Variants in SRGAP2 observed in about 807,000 individuals in gnomAD.
The protein encoded by SRGAP2 is SLIT-ROBO Rho GTPase activating protein 2.
A neutral mutation model predicts 57.2 loss-of-function variants in SRGAP2; 15 were observed. That is an observed-to-expected ratio of 0.26 (90% CI 0.18 to 0.40). The LOEUF (loss-of-function observed/expected upper bound fraction) is 0.40, where lower values mean the gene tolerates loss of function less well. Ranked by LOEUF, SRGAP2 falls within the 10% of genes least tolerant of loss-of-function variation. SRGAP2 has a pLI of 1.00. For synonymous variants in SRGAP2, 249 were observed against 248.0 expected (o/e 1.00, Z -0.04); for missense variants, 520 against 669.6 (o/e 0.78, Z 2.47).
At chr1:206,450,097 T>C (rs1424572692) in intron 18 of SRGAP2, among the ~76,000 whole-genome samples, 1 of 152,146 alleles carries the variant, frequency 6.6e-6, no homozygotes, top group Admixed American at 6.5e-5. Context: ...AGGAGTTGAG[T>C]TGTTCTCTAT....
intron 5 of SRGAP2, among the ~76,000 whole-genome samples, chr1:206,392,230 GA>G (rs1657047418): frequency 7.5e-6 from 1 of 133,120 alleles, no homozygotes; most frequent in African/African-American, 2.8e-5. Context: ...TTTTATATCT[GA>G]AAGGTAACAG....
intron 2 of SRGAP2, among the ~76,000 whole-genome samples, chr1:206,278,109 G>T (rs1170962986): frequency 6.6e-6 from 1 of 152,050 alleles, no homozygotes; most frequent in East Asian, 1.9e-4. Flanking sequence ...TGTGCAACAG[G>T]TATTTTTTTG....
chr1:206,415,125 G>T (rs1263003311), intron 10 of SRGAP2, among the ~76,000 whole-genome samples: 2 of 152,172 alleles, frequency 1.3e-5, no homozygotes, highest in African/African-American at 4.8e-5. Flanking sequence ...TAGTTCCTAG[G>T]GTTGTTTTGA....
At chr1:206,333,526 T>G (rs1391267192) in intron 3 of SRGAP2, 34 of 1,024,090 alleles carry the variant, frequency 3.3e-5, no homozygotes, top group Middle Eastern at 6.2e-4. Context: ...TCTACCTCCG[T>G]CTCTATTTAT....
At chr1:206,230,690 G>A (rs1242621276) in intron 2 of SRGAP2, among the ~76,000 whole-genome samples, 4 of 143,586 alleles carry the variant, frequency 2.8e-5, no homozygotes, top group East Asian at 2.1e-4. Flanking sequence ...GCAGTGGTGC[G>A]ATCTCGGCTC....
chr1:206,274,777 A>G (rs1243087658), intron 2 of SRGAP2, among the ~76,000 whole-genome samples: 1 of 152,258 alleles, frequency 6.6e-6, no homozygotes, highest in Non-Finnish European at 1.5e-5. Context: ...CAAAAAGCGT[A>G]TATTCCTGAG....
chr1:206,301,798 A>G (rs2102749329), intron 2 of SRGAP2, among the ~76,000 whole-genome samples: 1 of 151,858 alleles, frequency 6.6e-6, no homozygotes, highest in East Asian at 1.9e-4. Flanking sequence ...GATCATCTGC[A>G]AAGGACATAC....
intron 18 of SRGAP2, among the ~76,000 whole-genome samples, chr1:206,448,362 G>A (rs12129774): frequency 0.2 from 30,024 of 152,040 alleles, 3,193 homozygotes; most frequent in South Asian, 0.28. Context: ...CGGCTGGGTG[G>A]CATGGTGGAC....
intron 2 of SRGAP2, among the ~76,000 whole-genome samples, chr1:206,295,934 C>T (rs1348102641): frequency 6.6e-6 from 1 of 150,888 alleles, no homozygotes; most frequent in Admixed American, 6.6e-5. Context: ...TGAGGTCTTG[C>T]TATGTTGACC....
At position 206,322,954 on chromosome 1, in the gene SRGAP2, C is replaced by A. The variant is rs1673582843; in HGVS notation, c.260+19481C>A. On this transcript the variant is annotated intron_variant, in intron 3 of 22. Transcript: ENST00000573034. ...AAAGAAAGCAAACACTAGGAAGAAG[C>A]TTGCTTTACAACAACTCACTCTCTC... 2.0e-5 allele frequency among the ~76,000 whole-genome samples: 3 copies of A among 149,634 alleles called. No individual in the cohort carries two copies. The South Asian group carries it at 6.3e-4, about 31-fold the overall frequency.
intron 3 of SRGAP2, among the ~76,000 whole-genome samples, chr1:206,327,674 A>T (rs1286476453): frequency 2.6e-5 from 3 of 114,948 alleles, no homozygotes; most frequent in Non-Finnish European, 3.4e-5. Context: ...TTTATTTTTT[A>T]TTTATTTATT....
At chr1:206,353,701 T>A (rs1220078299) in intron 4 of SRGAP2, among the ~76,000 whole-genome samples, 4 of 148,198 alleles carry the variant, frequency 2.7e-5, no homozygotes, top group African/African-American at 7.8e-5. Flanking sequence ...TCTCAAAAAA[T>A]AAATAAATAA....
intron 19 of SRGAP2, among the ~76,000 whole-genome samples, chr1:206,452,999 A>G (rs553309607): frequency 6.6e-6 from 1 of 152,054 alleles, no homozygotes; most frequent in East Asian, 1.9e-4. Context: ...GAGCAAAGGC[A>G]GGTAAAAGGT....
intron 4 of SRGAP2, among the ~76,000 whole-genome samples, chr1:206,354,993 C>T (rs1437210113): frequency 2.6e-5 from 4 of 152,210 alleles, no homozygotes; most frequent in Non-Finnish European, 5.9e-5. Context: ...ATTGTACATA[C>T]TATTTTGTAA....
At chr1:206,377,304 TTGTTTTTTA>T (rs1553345202) in intron 4 of SRGAP2, among the ~76,000 whole-genome samples, 2 of 150,712 alleles carry the variant, frequency 1.3e-5, no homozygotes, top group Non-Finnish European at 1.5e-5. Context: ...TCTGGTGAAA[TTGTTTTTTA>T]TGGTGCTTAC....
At chr1:206,445,571 A>G (rs1553373442) in intron 17 of SRGAP2, among the ~76,000 whole-genome samples, 2 of 152,250 alleles carry the variant, frequency 1.3e-5, no homozygotes, top group Non-Finnish European at 2.9e-5. Context: ...TCTAGAGGCT[A>G]GAAAGGAATA....
chr1:206,289,578 G>T (rs1321156949), intron 2 of SRGAP2, among the ~76,000 whole-genome samples: 1 of 150,770 alleles, frequency 6.6e-6, no homozygotes, highest in Middle Eastern at 3.2e-3. Context: ...CGCCCAGCTG[G>T]ACTGTTTTTT....
At chr1:206,457,449 TA>T in intron 21 of SRGAP2, among the ~76,000 whole-genome samples, 1 of 152,222 alleles carries the variant, frequency 6.6e-6, no homozygotes, top group Middle Eastern at 3.4e-3. Flanking sequence ...CAACTGGAGT[TA>T]GTGGTGCAGT....
intron 10 of SRGAP2, among the ~76,000 whole-genome samples, chr1:206,411,484 TTACTC>T (rs1659218576): frequency 6.6e-6 from 1 of 152,206 alleles, no homozygotes; most frequent in Admixed American, 6.5e-5. Context: ...CATTTAAAGT[TTACTC>T]TATTATGTAT....
Sources: allele counts gnomAD v4.1 joint callset (sites outside exome capture counted in the v4.1 genomes callset), GRCh38; gene constraint gnomAD v4.1.1; transcripts MANE v1.5; gene names NCBI Gene and HGNC (gene_info 2026-07-23, HGNC 2026-07-21).